The following PDCD6 variants were observed in gnomAD, a reference collection of about 807,000 sequenced individuals.
The protein encoded by PDCD6 is programmed cell death protein 6.
PDCD6 carries 12 observed loss-of-function variants against 28.3 expected under a neutral mutation model. That is an observed-to-expected ratio of 0.42 (90% CI 0.27 to 0.69). The LOEUF (loss-of-function observed/expected upper bound fraction) is 0.69. PDCD6 is among the 30% of genes least tolerant of loss of function. The probability of loss-of-function intolerance (pLI) is 0.22; values close to 1 mark genes in which losing one functional copy is unlikely to be tolerated. For missense variants in PDCD6, 226 were observed against 269.9 expected (o/e 0.84, Z 1.14); for synonymous variants, 92 against 108.0 (o/e 0.85, Z 0.92).
chr5:294,936 G>A (rs865963075), intron 2 of PDCD6, among the ~76,000 whole-genome samples: 27 of 152,130 alleles, frequency 1.8e-4, no homozygotes, highest in African/African-American at 6.5e-4. Context: ...CGCACAGGCC[G>A]AGGGATGCCG....
At chr5:274,448 A>G (rs926681495) in intron 2 of PDCD6, among the ~76,000 whole-genome samples, 10 of 152,152 alleles carry the variant, frequency 6.6e-5, no homozygotes, top group African/African-American at 2.2e-4. Flanking sequence ...TCCTGGCTCT[A>G]CCAGTTTTGT....
intron 2 of PDCD6, among the ~76,000 whole-genome samples, chr5:280,784 C>T (rs1471234337): frequency 7.1e-6 from 1 of 141,058 alleles, no homozygotes; most frequent in Non-Finnish European, 1.5e-5. Flanking sequence ...GAGGGCAGGG[C>T]CGTGCTGGGC....
intron 2 of PDCD6, among the ~76,000 whole-genome samples, chr5:296,745 GGA>G (rs1739639041): frequency 6.6e-6 from 1 of 152,242 alleles, no homozygotes; most frequent in Non-Finnish European, 1.5e-5. Flanking sequence ...CTTCGAGGGT[GGA>G]GAGAGTAAGA....
chr5:277,041 C>T (rs1215897010), intron 2 of PDCD6: 6 of 657,030 alleles, frequency 9.1e-6, no homozygotes, highest in South Asian at 6.7e-5. Context: ...AGTAGGTTTG[C>T]CTTAATATAA....
intron 2 of PDCD6, chr5:276,319 G>A (rs1187803557): frequency 1.4e-4 from 148 of 1,092,932 alleles, no homozygotes; most frequent in Non-Finnish European, 1.5e-4. Flanking sequence ...TTTCCTCATC[G>A]TGGGGGCTCA....
In PDCD6 at chr5:307,500, G is replaced by A. The variant is rs572318496; in HGVS notation, c.367+740G>A. 5.3e-5 allele frequency among the ~76,000 whole-genome samples: 8 copies of A among 152,326 alleles called. No homozygotes were observed. The South Asian group carries it at 1.7e-3, about 32-fold the overall frequency. On this transcript the variant is annotated intron_variant, in intron 4 of 5. Transcript: ENST00000264933. This position sits in a 1 kb window ranked among gnomAD's most constrained non-coding sequence, Gnocchi z 6.1. ...CCGTGGGTCTAGGAGTGTTCACAGT[G>A]CCTGTCCAGAGTGCGTCCATAGGGC...
At chr5:308,416 G>T (rs751021091) in intron 4 of PDCD6, 2 of 152,294 alleles carry the variant, frequency 1.3e-5, no homozygotes, top group Middle Eastern at 3.4e-3. Flanking sequence ...GAGTGGGCAG[G>T]CCTGCTTGTG....
At chr5:297,147 C>A (rs1007217795) in intron 2 of PDCD6, among the ~76,000 whole-genome samples, 4 of 152,048 alleles carry the variant, frequency 2.6e-5, no homozygotes, top group Non-Finnish European at 5.9e-5. Context: ...ACAGCTTCTC[C>A]CCACGCATCC....
At position 314,962 on chromosome 5, in the gene PDCD6, A is replaced by C. The variant is rs1741174325; in HGVS notation, c.*447A>C. On this transcript the variant is annotated 3_prime_UTR_variant, in exon 6 of 6. Transcript: ENST00000264933. ...ATATGTGACGTAAGCAATAAAGGGAATGTTAGACGTGTGGTCTGCCTTCAG... is the reference window on the plus strand; with the variant it reads ...ATATGTGACGTAAGCAATAAAGGGACTGTTAGACGTGTGGTCTGCCTTCAG... 2 of 291,674 alleles carry C rather than the reference A, an allele frequency of 6.9e-6. No homozygotes were observed. Among genetic ancestry groups the C allele is most frequent in the African/African-American group, 4.4e-5 (2 of 45,134 alleles). 18.1% of individuals were successfully genotyped at this position (291,674 alleles called of 1,614,324 possible).
rs1740502293 is a variant in PDCD6, at chr5:306,582, A to G, written c.209-20A>G. The G allele has an allele frequency of 5.0e-6, 8 of 1,609,584 alleles. No homozygotes were observed. The highest frequency in any genetic ancestry group is 3.3e-5 in the South Asian group (3 of 91,012). On this transcript the variant is annotated intron_variant, in intron 3 of 5. Coordinates refer to ENST00000264933, the MANE Select transcript of PDCD6 (RefSeq NM_013232.4). ...GCTGCAACTGATCTTTTGCTGCTTG[A>G]CCGTTCCTCTCTGTCTCAGCCATGT... is the stretch of plus-strand genomic sequence containing the variant.
intron 5 of PDCD6, 63 bp downstream of exon 5, chr5:311,465 T>C: frequency 1.9e-6 from 2 of 1,071,470 alleles, no homozygotes; most frequent in Admixed American, 3.6e-5. Flanking sequence ...GCCAGCGTGA[T>C]GCACCTGACC....
Position 314,693 on chromosome 5 carries a change from G to A in PDCD6, c.*178G>A, listed in dbSNP as rs774847534. On this transcript the variant is annotated 3_prime_UTR_variant, in exon 6 of 6. Coordinates refer to ENST00000264933, the MANE Select transcript of PDCD6 (RefSeq NM_013232.4). ...GATTAATGGTTTTGCAACTGTAATA[G>A]TAGCTGTATCGTTCTAATGCAGACA... 1 of 690,004 alleles carries A rather than the reference G, an allele frequency of 1.4e-6. No individual in the cohort carries two copies. Among genetic ancestry groups the A allele is most frequent in the East Asian group, 2.7e-5 (1 of 36,614 alleles). The allele number at this position is 690,004 out of a possible 1,614,324, so 42.7% of individuals were successfully genotyped here. A position where few individuals can be genotyped will look rare whatever the true frequency, so the allele number is the denominator to read the frequency against.
chr5:302,828 G>A (rs1561047594), intron 2 of PDCD6, among the ~76,000 whole-genome samples: 2 of 149,736 alleles, frequency 1.3e-5, no homozygotes, highest in East Asian at 2.0e-4. Flanking sequence ...CTGCCTTTGT[G>A]GGGAGAGCAC....
intron 1 of PDCD6, among the ~76,000 whole-genome samples, chr5:272,037 G>C (rs1737849223): frequency 6.7e-6 from 1 of 150,332 alleles, no homozygotes; most frequent in Non-Finnish European, 1.5e-5. Flanking sequence ...GGTCCCCCGC[G>C]GTCTCCCCCG....
At chr5:294,676 C>A (rs955123833) in intron 2 of PDCD6, among the ~76,000 whole-genome samples, 3 of 152,252 alleles carry the variant, frequency 2.0e-5, no homozygotes, top group African/African-American at 7.2e-5. Context: ...CCCTGTCATC[C>A]AGCAACCCCG....
intron 2 of PDCD6, among the ~76,000 whole-genome samples, chr5:294,999 G>A (rs1739518254): frequency 6.6e-6 from 1 of 152,108 alleles, no homozygotes; most frequent in South Asian, 2.1e-4. Flanking sequence ...GCAGGGCAGT[G>A]GTTTCGAGGG....
Position 314,787 on chromosome 5 carries a change from A to C in PDCD6, c.*272A>C. 1 of 528,504 alleles carries C rather than the reference A, an allele frequency of 1.9e-6. No individual in the cohort carries two copies. Among genetic ancestry groups the C allele is most frequent in the South Asian group, 1.9e-5 (1 of 51,370 alleles). 32.7% of individuals were successfully genotyped at this position (528,504 alleles called of 1,614,324 possible). On this transcript the variant is annotated 3_prime_UTR_variant, in exon 6 of 6. Coordinates refer to ENST00000264933, the MANE Select transcript of PDCD6 (RefSeq NM_013232.4). ...TGTTTCAGGCATTCTGCTTGCAAAA[A>C]AATCTATCATGTGCTTTTCTAGATG...
intron 2 of PDCD6, among the ~76,000 whole-genome samples, chr5:274,106 TCA>T (rs1015357964): frequency 6.6e-6 from 1 of 152,222 alleles, no homozygotes; most frequent in Non-Finnish European, 1.5e-5. Context: ...GCTCTGTGCA[TCA>T]CCTGTTAAAT....
At chr5:299,741 G>C (rs1345573215) in intron 2 of PDCD6, among the ~76,000 whole-genome samples, 2 of 152,082 alleles carry the variant, frequency 1.3e-5, no homozygotes, top group Non-Finnish European at 2.9e-5. Flanking sequence ...AGTAGAGATG[G>C]GGTTTCACCA....
Sources: allele counts gnomAD v4.1 joint callset (sites outside exome capture counted in the v4.1 genomes callset), GRCh38; gene constraint gnomAD v4.1.1; non-coding constraint Gnocchi (gnomAD v3.1); transcripts MANE v1.5; gene names NCBI Gene and HGNC (gene_info 2026-07-23, HGNC 2026-07-21).